SVOPL: variants seen among roughly 807,000 people sequenced by gnomAD.
SVOPL encodes putative transporter SVOPL.
SVOPL carries 60 observed loss-of-function variants against 61.0 expected under a neutral mutation model. The observed-to-expected ratio is 0.98, with a 90% CI of 0.80 to 1.22. The LOEUF is 1.22. Among genes scored for constraint, SVOPL ranks in the 50% most tolerant of loss-of-function variants. SVOPL has a pLI of 0.00. For synonymous variants in SVOPL, 279 were observed against 250.0 expected (o/e 1.12, Z -1.09); for missense variants, 662 against 643.9 (o/e 1.03, Z -0.30).
intron 14 of SVOPL, among the ~76,000 whole-genome samples, chr7:138,602,514 T>A (rs77592850): frequency 6.6e-6 from 1 of 150,906 alleles, no homozygotes; most frequent in Non-Finnish European, 1.5e-5. Flanking sequence ...TGTCTACATA[T>A]ATATTCACAC....
intron 7 of SVOPL, among the ~76,000 whole-genome samples, chr7:138,655,888 TTGA>T (rs1174753870): frequency 6.6e-6 from 1 of 152,208 alleles, no homozygotes; most frequent in Admixed American, 6.5e-5. Context: ...ATAAACTTAG[TTGA>T]TAAGGCAGTG....
At chr7:138,621,767 T>A (rs1799571795) in intron 13 of SVOPL, among the ~76,000 whole-genome samples, 1 of 152,168 alleles carries the variant, frequency 6.6e-6, no homozygotes, top group South Asian at 2.1e-4. Flanking sequence ...TGTTGCAGAA[T>A]CTTAACAGCA....
chr7:138,622,006 G>GTATCTATC (rs1563095893), intron 13 of SVOPL, among the ~76,000 whole-genome samples: 1 of 8,832 alleles, frequency 1.1e-4, no homozygotes, highest in African/African-American at 4.0e-4. Flanking sequence ...ATCTATCTAT[G>GTATCTATC]TATCTATCTA....
At chr7:138,642,287 C>CA (rs79469915) in intron 9 of SVOPL, among the ~76,000 whole-genome samples, 5,647 of 111,464 alleles carry the variant, frequency 0.051, 222 homozygotes, top group South Asian at 0.14. Context: ...GGAAATTAGC[C>CA]AAAAAAAAAA....
At chr7:138,612,447 T>TAAAAAAAAAAAAAAAAAAAAAAAAAAAA (rs59229265) in intron 14 of SVOPL, among the ~76,000 whole-genome samples, 2 of 22,298 alleles carry the variant, frequency 9.0e-5, no homozygotes, top group Middle Eastern at 0.031. Flanking sequence ...AAAAAAAAAA[T>TAAAAAAAAAAAAAAAAAAAAAAAAAAAA]AAAAAAAAAA....
Position 138,604,411 on chromosome 7 carries a change from C to T in SVOPL, c.1354-7881G>A, listed in dbSNP as rs1440060663. Among the ~76,000 whole-genome samples, 7 of 152,188 alleles carry T rather than the reference C, an allele frequency of 4.6e-5. No homozygotes were observed. In the South Asian group the frequency reaches 1.0e-3, roughly 23 times the overall value. On this transcript the variant is annotated intron_variant, in intron 14 of 15. Coordinates refer to ENST00000674285, the MANE Select transcript of SVOPL (RefSeq NM_001139456.2). Reference sequence around the variant, plus strand: ...ATAGTGGGCTGGGCATGGTGGCTTACGCCTGTAATCCCAGCACATTGGGAG... The same window carrying T: ...ATAGTGGGCTGGGCATGGTGGCTTATGCCTGTAATCCCAGCACATTGGGAG...
At chr7:138,648,614 A>G (rs1337758575) in intron 8 of SVOPL, among the ~76,000 whole-genome samples, 4 of 151,448 alleles carry the variant, frequency 2.6e-5, no homozygotes, top group African/African-American at 9.7e-5. Context: ...AGTCTGAGGC[A>G]GGAGAATGGC....
chr7:138,648,576 T>C (rs955844637), intron 8 of SVOPL, among the ~76,000 whole-genome samples: 13 of 139,932 alleles, frequency 9.3e-5, no homozygotes, highest in East Asian at 8.4e-4. Context: ...GGCGCGGTGG[T>C]GGGCGCCTGT....
At chr7:138,674,700 C>CA (rs947348915) in intron 3 of SVOPL, among the ~76,000 whole-genome samples, 18 of 151,752 alleles carry the variant, frequency 1.2e-4, no homozygotes, top group African/African-American at 4.3e-4. Context: ...ACTAAAAATA[C>CA]AAAAAATTAG....
intron 4 of SVOPL, among the ~76,000 whole-genome samples, chr7:138,669,990 C>T (rs113155678): frequency 2.8e-4 from 43 of 152,272 alleles, no homozygotes; most frequent in African/African-American, 9.9e-4. Flanking sequence ...GTTCTTTGAC[C>T]TCCTTGGCTG....
chr7:138,646,005 G>C (rs962777114), intron 8 of SVOPL: 1 of 157,920 alleles, frequency 6.3e-6, no homozygotes, highest in Non-Finnish European at 1.4e-5. Flanking sequence ...TAGTAGAGAT[G>C]GGGTTTCACC....
chr7:138,637,437 T>TATAG (rs1800524566), intron 9 of SVOPL, among the ~76,000 whole-genome samples: 2 of 31,062 alleles, frequency 6.4e-5, no homozygotes, highest in African/African-American at 3.6e-4. Flanking sequence ...CATATATATA[T>TATAG]ATATAGATAG....
intron 1 of SVOPL, among the ~76,000 whole-genome samples, chr7:138,687,175 C>A (rs1802834841): frequency 6.6e-6 from 1 of 150,534 alleles, no homozygotes; most frequent in Non-Finnish European, 1.5e-5. Flanking sequence ...ATTGTTGGAA[C>A]ACCATTTGAA....
intron 4 of SVOPL, among the ~76,000 whole-genome samples, chr7:138,669,287 C>T (rs1404942855): frequency 6.6e-6 from 1 of 152,080 alleles, no homozygotes; most frequent in Non-Finnish European, 1.5e-5. Context: ...TGGTGACCCA[C>T]ATCCTAGCTA....
intron 4 of SVOPL, 57 bp from the exon 5 acceptor site, chr7:138,663,202 C>T: frequency 6.3e-7 from 1 of 1,579,012 alleles, no homozygotes; most frequent in African/African-American, 1.3e-5. Flanking sequence ...TGTTACTTTA[C>T]CCCGTTAGCC....
intron 4 of SVOPL, among the ~76,000 whole-genome samples, chr7:138,667,418 T>C (rs1042189637): frequency 2.0e-5 from 3 of 152,202 alleles, no homozygotes; most frequent in Non-Finnish European, 4.4e-5. Flanking sequence ...ACTGATAATG[T>C]TGATTGCAAG....
intron 3 of SVOPL, among the ~76,000 whole-genome samples, chr7:138,674,871 A>G (rs904941542): frequency 8.9e-5 from 13 of 146,592 alleles, no homozygotes; most frequent in African/African-American, 3.0e-4. Flanking sequence ...AAAAAAAAAA[A>G]GATACTTGAA....
At chr7:138,600,440 A>T (rs375668953) in intron 14 of SVOPL, among the ~76,000 whole-genome samples, 10 of 152,186 alleles carry the variant, frequency 6.6e-5, no homozygotes, top group South Asian at 6.2e-4. Flanking sequence ...TGTCTCTACA[A>T]ATAATAAAAA....
At chr7:138,626,832 T>C (rs542142391) in intron 12 of SVOPL, among the ~76,000 whole-genome samples, 1 of 132,176 alleles carries the variant, frequency 7.6e-6, no homozygotes, top group Admixed American at 8.3e-5. Context: ...GGTGACAAGG[T>C]GAGAGAACCT....
Sources: allele counts gnomAD v4.1 joint callset (sites outside exome capture counted in the v4.1 genomes callset), GRCh38; gene constraint gnomAD v4.1.1; transcripts MANE v1.5; gene names NCBI Gene and HGNC (gene_info 2026-07-23, HGNC 2026-07-21).